PCNX1: variants seen among roughly 807,000 people sequenced by gnomAD.
PCNX1 encodes pecanex 1.
In PCNX1, 78 loss-of-function variants were observed where a neutral mutation model predicts 242.2. The observed-to-expected ratio is 0.32, with a 90% CI of 0.27 to 0.39. The LOEUF (loss-of-function observed/expected upper bound fraction) is 0.39. PCNX1 is among the 10% of genes least tolerant of loss of function. The pLI is 1.00. For synonymous variants in PCNX1, 1,024 were observed against 1,032.9 expected, an observed-to-expected ratio of 0.99 and a Z score of 0.17; for missense variants, 2,581 against 2,856.5, an observed-to-expected ratio of 0.90 and a Z score of 2.20.
At chr14:70,998,521 C>T (rs1006450884) in intron 8 of PCNX1, among the ~76,000 whole-genome samples, 1 of 151,704 alleles carries the variant, frequency 6.6e-6, no homozygotes, top group Non-Finnish European at 1.5e-5. Flanking sequence ...GAGGCCAAGA[C>T]GGGCAGATCA....
chr14:71,076,616 T>C (rs1472445287), intron 28 of PCNX1, among the ~76,000 whole-genome samples, 197 bp downstream of exon 28: 1 of 152,192 alleles, frequency 6.6e-6, no homozygotes, highest in East Asian at 1.9e-4. Context: ...GGCCTCCCTC[T>C]TTCTTTCATT....
intron 1 of PCNX1, among the ~76,000 whole-genome samples, chr14:70,932,447 G>GA (rs1201065590): frequency 6.6e-6 from 1 of 152,014 alleles, no homozygotes; most frequent in East Asian, 1.9e-4. Context: ...CCTTTTTAGA[G>GA]AGACAGTAAG....
At chr14:71,079,433 A>G (rs191766280) in intron 28 of PCNX1, among the ~76,000 whole-genome samples, 18 of 152,276 alleles carry the variant, frequency 1.2e-4, no homozygotes, top group Admixed American at 9.1e-4. Context: ...ATCTTCCACA[A>G]TGGTTGAACT....
Position 71,026,162 on chromosome 14 carries a change from A to G in PCNX1, c.3229A>G (p.Ile1077Val), listed in dbSNP as rs199686159. 7 of 1,610,874 alleles carry G rather than the reference A, an allele frequency of 4.3e-6. No individual in the cohort carries two copies. The highest frequency in any genetic ancestry group is 4.5e-5 in the East Asian group (2 of 44,792). ...CTACAGTAGACCAGTTTATTTCTGC[A>G]TATGTTGCGGTCTTATTTGGCTCTT... ...IAYSRPVYFC[I>V]CCGLIWLLDY... Residue 1077 changes from isoleucine to valine, a missense_variant, in exon 14 of 36, where the codon ATA becomes GTA. Ile to Val is a conservative substitution (Grantham distance 29, BLOSUM62 3). Transcript: ENST00000304743.
rs961332727 is a variant in PCNX1 at position 71,105,744 on chromosome 14, T to C, written c.6301+304T>C. On this transcript the variant is annotated intron_variant, in intron 33 of 35. Coordinates refer to ENST00000304743, the MANE Select transcript of PCNX1 (RefSeq NM_014982.3). ...TTTTAGTAGAGACAGGGTTTCACCA[T>C]GTTAGCCAGGATGTTCTCCATCTCC... Among the ~76,000 whole-genome samples, 11 of 151,898 alleles carry C rather than the reference T, an allele frequency of 7.2e-5. No individual in the cohort carries two copies. In the East Asian group the frequency reaches 2.0e-3, roughly 27 times the overall value.
In PCNX1 at chr14:71,105,454, AAGTTAT is replaced by A; in HGVS notation, c.6301+16_6301+21del. 6.3e-7 allele frequency: 1 copy of A among 1,592,182 alleles called. No individual in the cohort carries two copies. The highest frequency in any genetic ancestry group is 8.6e-7 in the Non-Finnish European group (1 of 1,160,290). Reference sequence around the variant, plus strand: ...CTCCAACACTAGGTAATGTGAAACAAAGTTATATGTCTAATGTTAGCTTCTTAGCCA... The same window carrying A: ...CTCCAACACTAGGTAATGTGAAACAAATGTCTAATGTTAGCTTCTTAGCCA... On this transcript the variant is annotated intron_variant, in intron 33 of 35. Transcript: ENST00000304743.
At chr14:71,014,301 T>C (rs1011788652) in intron 11 of PCNX1, among the ~76,000 whole-genome samples, 1 of 152,126 alleles carries the variant, frequency 6.6e-6, no homozygotes, top group African/African-American at 2.4e-5. Context: ...TAAGAAGATT[T>C]ATGGAAATCC....
chr14:70,945,927 C>T (rs1264333393), intron 1 of PCNX1, among the ~76,000 whole-genome samples: 2 of 152,170 alleles, frequency 1.3e-5, no homozygotes, highest in Admixed American at 6.5e-5. Flanking sequence ...CTATAGATGT[C>T]TGGGTGATTT....
At chr14:70,987,759 G>T (rs2059042374) in intron 6 of PCNX1, among the ~76,000 whole-genome samples, 1 of 152,140 alleles carries the variant, frequency 6.6e-6, no homozygotes, top group African/African-American at 2.4e-5. Context: ...AGCCATTGTT[G>T]TGATGTTCTC....
intron 5 of PCNX1, among the ~76,000 whole-genome samples, chr14:70,969,594 G>A (rs2058479846): frequency 6.6e-6 from 1 of 152,162 alleles, no homozygotes; most frequent in East Asian, 1.9e-4. Flanking sequence ...TTGTACTTGG[G>A]TGCTTTTTTG....
At position 70,907,612 on chromosome 14, in the gene PCNX1, C is replaced by A. The variant is rs1051292304; in HGVS notation, c.-239C>A. ...GCTCTCAGAAGGCCGGTCTCCTCCT[C>A]TCCGCCGTCCTCCGCCCCGCCGCTC... On this transcript the variant is annotated 5_prime_UTR_variant, in exon 1 of 36. Coordinates refer to ENST00000304743, the MANE Select transcript of PCNX1 (RefSeq NM_014982.3). 1 of 275,690 alleles carries A rather than the reference C, an allele frequency of 3.6e-6. No homozygotes were observed. The highest frequency in any genetic ancestry group is 1.5e-4 in the South Asian group (1 of 6,600). The allele number at this position is 275,690 out of a possible 1,614,324, so 17.1% of individuals were successfully genotyped here. A position where few individuals can be genotyped will look rare whatever the true frequency, so the allele number is the denominator to read the frequency against.
At chr14:70,948,708 CAT>C (rs962024982) in intron 2 of PCNX1, among the ~76,000 whole-genome samples, 4 of 145,450 alleles carry the variant, frequency 2.8e-5, no homozygotes, top group Non-Finnish European at 6.1e-5. Flanking sequence ...TATATACACA[CAT>C]ACACATAAGT....
At chr14:70,938,895 A>G (rs1043283727) in intron 1 of PCNX1, among the ~76,000 whole-genome samples, 6 of 152,180 alleles carry the variant, frequency 3.9e-5, no homozygotes, top group Admixed American at 1.3e-4. Flanking sequence ...CATTTCTTCT[A>G]GATTCTCTAG....
At chr14:71,094,731 C>G (rs1169974469) in intron 30 of PCNX1, among the ~76,000 whole-genome samples, 1 of 152,146 alleles carries the variant, frequency 6.6e-6, no homozygotes, top group African/African-American at 2.4e-5. Flanking sequence ...AGTTTGAGAC[C>G]TGCCTGGTCA....
chr14:71,083,154 T>G (rs2061898221), intron 28 of PCNX1, among the ~76,000 whole-genome samples: 1 of 152,210 alleles, frequency 6.6e-6, no homozygotes, highest in African/African-American at 2.4e-5. Flanking sequence ...GAAAATTCTT[T>G]TCTTTAAGAA....
rs772301320 is a variant in PCNX1, at chr14:70,995,898, G to C, written c.2602G>C (p.Gly868Arg). 6.2e-7 allele frequency: 1 copy of C among 1,614,060 alleles called. No homozygotes were observed. Among genetic ancestry groups the C allele is most frequent in the Non-Finnish European group, 8.5e-7 (1 of 1,179,928 alleles). The stretch of plus-strand genomic sequence containing the variant: ...ATCACATGACAATGCATCTGCTGTA[G>C]GCGGTAGCAGTTTGCACGATGAACT... ...EASHDNASAV[G>R]GSSLHDELGK... The change falls in exon 8 of 36, where the codon GGC (glycine) becomes CGC (arginine). Residue 868 changes from glycine to arginine, a missense_variant. By Grantham distance (125) the Gly-to-Arg change is moderately radical. Coordinates refer to ENST00000304743, the MANE Select transcript of PCNX1 (RefSeq NM_014982.3).
At chr14:71,051,761 C>A in intron 23 of PCNX1, 122 bp from the exon 24 acceptor site, 1 of 878,830 alleles carries the variant, frequency 1.1e-6, no homozygotes, top group Non-Finnish European at 1.8e-6. Context: ...CTTTTGTATT[C>A]TTCTGGTGAA....
intron 12 of PCNX1, 56 bp downstream of exon 12, chr14:71,019,218 G>A: frequency 1.5e-6 from 2 of 1,356,048 alleles, no homozygotes; most frequent in East Asian, 2.4e-5. Flanking sequence ...AAAAGGCAGA[G>A]GATTTTGTAG....
intron 13 of PCNX1, among the ~76,000 whole-genome samples, chr14:71,025,535 T>G (rs898779166): frequency 6.6e-6 from 1 of 152,108 alleles, no homozygotes; most frequent in Non-Finnish European, 1.5e-5. Context: ...TGGATAAAGC[T>G]AGGAAGTGTA....
Sources: allele counts gnomAD v4.1 joint callset (sites outside exome capture counted in the v4.1 genomes callset), GRCh38; gene constraint gnomAD v4.1.1; transcripts MANE v1.5; gene names NCBI Gene and HGNC (gene_info 2026-07-23, HGNC 2026-07-21).